Variants in NHSL2 observed in about 807,000 individuals in gnomAD.
NHSL2 encodes NHS like 2.
A neutral mutation model predicts 53.4 loss-of-function variants in NHSL2; 27 were observed. The observed-to-expected ratio is 0.51, with a 90% CI of 0.37 to 0.70. The LOEUF (loss-of-function observed/expected upper bound fraction) is 0.70, where lower values mean the gene tolerates loss of function less well. NHSL2 is among the 30% of genes least tolerant of loss of function. The pLI is 0.00. For missense variants in NHSL2, 892 were observed against 980.1 expected (o/e 0.91, Z 1.20); for synonymous variants, 408 against 404.1 (o/e 1.01, Z -0.12).
intron 1 of NHSL2, chrX:72,130,738 T>C: frequency 8.3e-7 from 1 of 1,211,768 alleles, no homozygotes; most frequent in African/African-American, 1.7e-5. Context: ...GCGGCAGTCA[T>C]CCCAAGACAA....
chrX:72,079,836 G>C (rs944152953), intron 1 of NHSL2: 2 of 112,769 alleles, frequency 1.8e-5, no homozygotes, highest in African/African-American at 3.2e-5. Flanking sequence ...GCTCTGACTC[G>C]GGCCTTTGGC....
chrX:72,141,121 C>T (rs2042415338), intron 6 of NHSL2: 4 of 161,031 alleles, frequency 2.5e-5, no homozygotes, highest in South Asian at 4.0e-4. Flanking sequence ...TACTCCACCT[C>T]ACTGTACAGT....
chrX:71,911,941 C>G (rs1318676219), intron 1 of NHSL2, among the ~76,000 whole-genome samples: 1 of 111,671 alleles, frequency 9.0e-6, no homozygotes, highest in Non-Finnish European at 1.9e-5. Flanking sequence ...AGCGTCCTCC[C>G]GCTTGCTTCT....
chrX:72,131,006 C>T, intron 1 of NHSL2: 1 of 1,211,358 alleles, frequency 8.3e-7, no homozygotes, highest in Non-Finnish European at 1.1e-6. Flanking sequence ...GGGAAATGAA[C>T]CTCATGGTCG....
At chrX:72,063,068 C>T (rs1320493622) in intron 1 of NHSL2, among the ~76,000 whole-genome samples, 2 of 112,379 alleles carry the variant, frequency 1.8e-5, no homozygotes, top group African/African-American at 6.5e-5. Flanking sequence ...TGCTTAGCCT[C>T]TGGGGTGTAT....
intron 1 of NHSL2, chrX:72,131,471 C>T: frequency 8.3e-7 from 1 of 1,207,744 alleles, no homozygotes. Flanking sequence ...CCGCGAAGGG[C>T]ATTTAATTCT....
intron 1 of NHSL2, among the ~76,000 whole-genome samples, chrX:71,927,546 TTTC>T (rs1256856335): frequency 9.0e-6 from 1 of 110,637 alleles, no homozygotes; most frequent in Non-Finnish European, 1.9e-5. Context: ...ACTTGTTTTC[TTTC>T]TTTTTTTTTT....
chrX:72,056,566 A>C (rs1033488960), intron 1 of NHSL2, among the ~76,000 whole-genome samples: 2 of 111,927 alleles, frequency 1.8e-5, no homozygotes, highest in Non-Finnish European at 3.8e-5. Context: ...ACACACACAC[A>C]CACACACACA....
intron 1 of NHSL2, among the ~76,000 whole-genome samples, chrX:72,070,465 T>C (rs1424424252): frequency 9.0e-6 from 1 of 111,559 alleles, no homozygotes; most frequent in Non-Finnish European, 1.9e-5. Context: ...CCTTCCTGGA[T>C]GCTGACACTG....
rs182727709 is a variant in NHSL2, at chrX:72,066,896, G to A, written c.281-65183G>A. ...TGTAATCCCAGTACTTTGGGAAGCC[G>A]AAGTGGGAGGATCACTTAAGCCCAG... is the stretch of plus-strand genomic sequence containing the variant. On this transcript the variant is annotated intron_variant, in intron 1 of 7. Transcript: ENST00000633930. 6.3e-4 allele frequency among the ~76,000 whole-genome samples: 71 copies of A among 112,230 alleles called. No individual in the cohort carries two copies. The East Asian group carries it at 0.017, about 26-fold the overall frequency.
chrX:72,105,063 G>T (rs1047629113), intron 1 of NHSL2, among the ~76,000 whole-genome samples: 1 of 111,461 alleles, frequency 9.0e-6, no homozygotes, highest in Non-Finnish European at 1.9e-5. Flanking sequence ...TGATAACATG[G>T]GAAGCTCTGG....
intron 1 of NHSL2, among the ~76,000 whole-genome samples, chrX:71,918,715 G>C (rs1158960453): frequency 8.9e-6 from 1 of 111,901 alleles, no homozygotes; most frequent in Non-Finnish European, 1.9e-5. Context: ...CCATTTCCAG[G>C]ATTTTATGCT....
chrX:72,139,387 C>T lies in NHSL2; in HGVS notation c.1839C>T (p.Ser613=), dbSNP rs1042320660. Residue 613 remains serine (S), a synonymous_variant, in exon 6 of 8, where the codon TCC becomes TCT. Coordinates refer to ENST00000633930, the MANE Select transcript of NHSL2 (RefSeq NM_001013627.3). ...LSLEHQGHHS[S]HPDAQGHPAI... ...TGGAACATCAAGGACATCACTCGTC[C>T]CACCCAGATGCTCAGGGTCACCCAG... 5.0e-6 allele frequency: 6 copies of T among 1,210,202 alleles called. No individual in the cohort carries two copies. Among genetic ancestry groups the T allele is most frequent in the Non-Finnish European group, 6.7e-6 (6 of 894,312 alleles).
intron 1 of NHSL2, among the ~76,000 whole-genome samples, chrX:72,089,249 T>TAA (rs11349378): frequency 2.7e-4 from 27 of 101,211 alleles, no homozygotes; most frequent in East Asian, 9.3e-4. Flanking sequence ...GAGGATTTGT[T>TAA]AAAAAAAAAA....
rs1170093538 is a variant in NHSL2 at position 72,143,265 on chromosome X, G to A, written c.3369G>A (p.Lys1123=). The change falls in exon 8 of 8, where the codon AAG becomes AAA. Residue 1123 remains lysine, a synonymous_variant. Transcript: ENST00000633930. Reference sequence around the variant, plus strand: ...TTCTCTTATCTAGGTCCAAAAGGAAGCTGCTCGGCTGGAAGGAACCTGGTG... The same window carrying A: ...TTCTCTTATCTAGGTCCAAAAGGAAACTGCTCGGCTGGAAGGAACCTGGTG... ...LFTVIHRSKR[K]LLGWKEPGEA... 8.7e-7 allele frequency: 1 copy of A among 1,154,101 alleles called. No individual in the cohort carries two copies. Among genetic ancestry groups the A allele is most frequent in the South Asian group, 2.0e-5 (1 of 50,963 alleles).
chrX:72,134,128 G>A lies in NHSL2; in HGVS notation c.474G>A (p.Val158=), dbSNP rs1193276890. The A allele has an allele frequency of 1.7e-6, 2 of 1,164,934 alleles. No homozygotes were observed. Among genetic ancestry groups the A allele is most frequent in the Non-Finnish European group, 2.3e-6 (2 of 871,114 alleles). Residue 158 remains valine, a synonymous_variant, in exon 3 of 8, where the codon GTG becomes GTA. Transcript: ENST00000633930. Reference sequence around the variant, plus strand: ...AACAGTACTCGGAGGCCAGACTTGTGGGGCAGACCTTCCGCTCTTCTGATG... The same window carrying A: ...AACAGTACTCGGAGGCCAGACTTGTAGGGCAGACCTTCCGCTCTTCTGATG... ...YEEQYSEARL[V]GQTFRSSDEA...
chrX:71,962,235 G>T (rs1158884760), intron 1 of NHSL2, among the ~76,000 whole-genome samples: 1 of 111,416 alleles, frequency 9.0e-6, no homozygotes, highest in Non-Finnish European at 1.9e-5. Flanking sequence ...TTTTTCTTGA[G>T]AATTTTTACA....
At chrX:72,131,850 CCGGG>C (rs1182989464) in intron 1 of NHSL2, 67 of 256,864 alleles carry the variant, frequency 2.6e-4, no homozygotes, top group South Asian at 5.7e-4. Flanking sequence ...GACCGCGCGA[CCGGG>C]CGGGCGGGCG....
At chrX:71,939,865 T>A (rs1409222453) in intron 1 of NHSL2, among the ~76,000 whole-genome samples, 2 of 112,529 alleles carry the variant, frequency 1.8e-5, no homozygotes, top group African/African-American at 6.5e-5. Context: ...GGAATGATGA[T>A]GAGTTCAGTT....
Sources: allele counts gnomAD v4.1 joint callset (sites outside exome capture counted in the v4.1 genomes callset), GRCh38; gene constraint gnomAD v4.1.1; transcripts MANE v1.5; gene names NCBI Gene and HGNC (gene_info 2026-07-23, HGNC 2026-07-21).